The following DNMBP variants were observed in gnomAD, a reference collection of about 807,000 sequenced individuals.
DNMBP encodes the protein dynamin-binding protein.
DNMBP carries 87 observed loss-of-function variants against 150.0 expected under a neutral mutation model. The ratio of observed to expected loss-of-function variants is 0.58; its 90% CI spans 0.49 to 0.69. The LOEUF (loss-of-function observed/expected upper bound fraction) is 0.69. Ranked by LOEUF, DNMBP falls within the 30% of genes least tolerant of loss-of-function variation. The pLI is 0.00. For missense variants in DNMBP, 1,774 were observed against 1,949.0 expected, an observed-to-expected ratio of 0.91 and a Z score of 1.69; for synonymous variants, 711 against 750.4, an observed-to-expected ratio of 0.95 and a Z score of 0.86.
chr10:99,907,900 C>T (rs980480195), intron 6 of DNMBP, 95 bp downstream of exon 6: 16 of 841,156 alleles, frequency 1.9e-5, no homozygotes, highest in African/African-American at 1.0e-4. Flanking sequence ...TGTATCTTCC[C>T]GGAGGCATAG....
chr10:99,955,280 G>C lies in DNMBP; in HGVS notation c.2194C>G (p.Leu732Val), dbSNP rs146303771. Residue 732 changes from leucine (L) to valine (V), a missense_variant, in exon 4 of 17, where the codon CTC (leucine) becomes GTC (valine). By Grantham distance (32) the Leu-to-Val change is conservative (BLOSUM62 1). Transcript: ENST00000324109. Reference sequence around the variant, plus strand: ...CTTTCACAGAACTTGAGATCCTCGAGGGTCTCTGCTCTTGATGATTCATCC... The same window carrying C: ...CTTTCACAGAACTTGAGATCCTCGACGGTCTCTGCTCTTGATGATTCATCC... ...KQDESSRAET[L>V]EDLKFCESNI... 237 of 1,614,052 alleles carry C rather than the reference G, an allele frequency of 1.5e-4. 1 individual carries two copies. In the African/African-American group the frequency reaches 2.9e-3, roughly 20 times the overall value.
intron 1 of DNMBP, among the ~76,000 whole-genome samples, chr10:99,989,094 T>TTATATATCCTTACAAGATGTG (rs2040858756): frequency 2.0e-5 from 3 of 152,234 alleles, no homozygotes; most frequent in Non-Finnish European, 4.4e-5. Context: ...CTTGTAGGAA[T>TTATATATCCTTACAAGATGTG]TATATATCCT....
At chr10:99,918,864 G>C (rs551045046) in intron 4 of DNMBP, among the ~76,000 whole-genome samples, 1 of 152,234 alleles carries the variant, frequency 6.6e-6, no homozygotes, top group East Asian at 1.9e-4. Context: ...ATAAATCCTA[G>C]CATGGTATGC....
intron 3 of DNMBP, among the ~76,000 whole-genome samples, chr10:99,965,588 C>T (rs1348300013): frequency 2.0e-5 from 3 of 151,410 alleles, no homozygotes; most frequent in South Asian, 4.2e-4. Context: ...ACCTCCACCT[C>T]CCGGGTTCAA....
At chr10:99,967,205 C>T (rs1383745226) in intron 3 of DNMBP, among the ~76,000 whole-genome samples, 1 of 151,826 alleles carries the variant, frequency 6.6e-6, no homozygotes, top group East Asian at 1.9e-4. Context: ...TTCAGACCAG[C>T]CTGGGCAACA....
rs368373146 is a variant in DNMBP, at chr10:99,955,398, G to A, written c.2076C>T (p.Pro692=). 39 of 1,614,028 alleles carry A rather than the reference G, an allele frequency of 2.4e-5. No individual in the cohort carries two copies. The highest frequency in any genetic ancestry group is 3.1e-5 in the Non-Finnish European group (36 of 1,180,040). ...GRSLDQTSPC[P]LVLVRIEEME... ...TTTCCTCAATCCTCACCAGCACTAAGGGGCATGGGGAGGTCTGGTCCAGAC... is the reference window on the plus strand; with the variant it reads ...TTTCCTCAATCCTCACCAGCACTAAAGGGCATGGGGAGGTCTGGTCCAGAC... The change falls in exon 4 of 17, where the codon CCC becomes CCT. Residue 692 remains proline, a synonymous_variant. Coordinates refer to ENST00000324109, the MANE Select transcript of DNMBP (RefSeq NM_015221.4).
At chr10:99,938,505 AC>A (rs879258724) in intron 4 of DNMBP, among the ~76,000 whole-genome samples, 8 of 152,228 alleles carry the variant, frequency 5.3e-5, no homozygotes, top group Non-Finnish European at 1.2e-4. Context: ...GATGGGTGCC[AC>A]TGCATTCCAG....
intron 3 of DNMBP, among the ~76,000 whole-genome samples, chr10:99,962,837 T>A (rs530124574): frequency 6.6e-6 from 1 of 152,362 alleles, no homozygotes; most frequent in East Asian, 1.9e-4. Context: ...TGTAGAATTA[T>A]GCTATTTTCC....
chr10:99,881,925 A>G lies in DNMBP; in HGVS notation c.3998-1564T>C, dbSNP rs140602584. Reference sequence around the variant, plus strand: ...CCCTACCTAAAATGCTTAGGGCCAGATATGTTTTGGAATTCAGATTCTTTT... The same window carrying G: ...CCCTACCTAAAATGCTTAGGGCCAGGTATGTTTTGGAATTCAGATTCTTTT... On this transcript the variant is annotated intron_variant, in intron 15 of 16. Coordinates refer to ENST00000324109, the MANE Select transcript of DNMBP (RefSeq NM_015221.4). 2.0e-3 allele frequency among the ~76,000 whole-genome samples: 309 copies of G among 152,264 alleles called. 2 individuals are homozygous for G. Among genetic ancestry groups the G allele is most frequent in the Non-Finnish European group, 3.2e-3 (216 of 68,016 alleles).
intron 15 of DNMBP, among the ~76,000 whole-genome samples, chr10:99,880,704 C>T (rs754133774): frequency 6.6e-5 from 10 of 152,116 alleles, no homozygotes; most frequent in Non-Finnish European, 1.3e-4. Context: ...GTCTGGGAAC[C>T]GGCATGGGAA....
chr10:100,006,500 C>T (rs1346260507), intron 1 of DNMBP, among the ~76,000 whole-genome samples: 1 of 152,154 alleles, frequency 6.6e-6, no homozygotes, highest in African/African-American at 2.4e-5. Flanking sequence ...CAGCCCTTGT[C>T]CTCTTCCTGT....
chr10:99,945,215 A>T (rs2902363), intron 4 of DNMBP, among the ~76,000 whole-genome samples: 3 of 152,066 alleles, frequency 2.0e-5, no homozygotes, highest in African/African-American at 7.3e-5. Context: ...TCTAGGAAAC[A>T]AGAGAAGGTA....
chr10:99,905,910 G>C (rs566740549), intron 6 of DNMBP, among the ~76,000 whole-genome samples: 21 of 152,284 alleles, frequency 1.4e-4, no homozygotes, highest in Non-Finnish European at 2.5e-4. Context: ...TCGAGGCTGT[G>C]GGTGAGCTGT....
intron 5 of DNMBP, among the ~76,000 whole-genome samples, 180 bp downstream of exon 5, chr10:99,908,773 T>C (rs556793107): frequency 1.3e-5 from 2 of 152,308 alleles, no homozygotes; most frequent in East Asian, 3.9e-4. Flanking sequence ...AGTGAAAGGA[T>C]GCTGAAGGCT....
At chr10:99,926,266 T>A (rs116217721) in intron 4 of DNMBP, among the ~76,000 whole-genome samples, 219 of 152,226 alleles carry the variant, frequency 1.4e-3, no homozygotes, top group African/African-American at 5.2e-3. Context: ...CTTTACAAGA[T>A]TTATTTTTTT....
intron 3 of DNMBP, among the ~76,000 whole-genome samples, chr10:99,960,641 T>C (rs2040554396): frequency 6.6e-6 from 1 of 152,088 alleles, no homozygotes; most frequent in South Asian, 2.1e-4. Context: ...ACCCTGTGTC[T>C]ACTAAAAATA....
At chr10:99,996,310 C>G (rs2040950931) in intron 1 of DNMBP, among the ~76,000 whole-genome samples, 1 of 152,070 alleles carries the variant, frequency 6.6e-6, no homozygotes, top group Non-Finnish European at 1.5e-5. Context: ...CACCTGAGGT[C>G]AGAAGTTTGA....
At chr10:99,944,905 A>G (rs947669326) in intron 4 of DNMBP, among the ~76,000 whole-genome samples, 1 of 152,222 alleles carries the variant, frequency 6.6e-6, no homozygotes, top group African/African-American at 2.4e-5. Flanking sequence ...CATAGAAAAA[A>G]AAAATCTTTA....
rs896865317 is a variant in DNMBP at position 99,970,524 on chromosome 10, G to C, written c.146-1287C>G. ...AGAAGGAGTGAACAGGATGAATCAT[G>C]CTCCTTTGAAGAAAATGAAAGAAAG... On this transcript the variant is annotated intron_variant, in intron 2 of 16. Coordinates refer to ENST00000324109, the MANE Select transcript of DNMBP (RefSeq NM_015221.4). Among the ~76,000 whole-genome samples, 3 of 152,156 alleles carry C rather than the reference G, an allele frequency of 2.0e-5. 1 individual carries two copies. The highest frequency in any genetic ancestry group is 7.2e-5 in the African/African-American group (3 of 41,432).
Sources: gnomAD v4.1 joint callset for allele counts (sites outside exome capture counted in the v4.1 genomes callset) on GRCh38, gnomAD v4.1.1 for gene constraint, MANE v1.5 for transcripts, NCBI Gene and HGNC (gene_info 2026-07-23, HGNC 2026-07-21) for gene names.